The following ATG10 variants were observed in gnomAD, a reference collection of about 807,000 sequenced individuals.
ATG10 encodes the protein ubiquitin-like-conjugating enzyme ATG10.
ATG10 carries 30 observed loss-of-function variants against 32.1 expected under a neutral mutation model. That is an observed-to-expected ratio of 0.94 (90% CI 0.70 to 1.27). ATG10 has a LOEUF of 1.27. ATG10 is among the 50% of genes most tolerant of loss of function. The pLI, the probability that ATG10 is intolerant of heterozygous loss-of-function variation, is 0.00. For synonymous variants in ATG10, 87 were observed against 91.5 expected (o/e 0.95, Z 0.28); for missense variants, 233 against 262.3 (o/e 0.89, Z 0.77).
At chr5:82,206,291 G>A (rs771865037) in intron 5 of ATG10, among the ~76,000 whole-genome samples, 1 of 152,160 alleles carries the variant, frequency 6.6e-6, no homozygotes, top group Non-Finnish European at 1.5e-5. Flanking sequence ...GTAAGCAACA[G>A]AAAGGAAGAG....
intron 3 of ATG10, among the ~76,000 whole-genome samples, chr5:82,062,912 A>G (rs1309435313): frequency 6.6e-6 from 1 of 152,164 alleles, no homozygotes; most frequent in Non-Finnish European, 1.5e-5. Flanking sequence ...ACAGAGATGT[A>G]TTTTCCTCTT....
chr5:82,026,809 C>T (rs1762606411), intron 2 of ATG10, among the ~76,000 whole-genome samples: 1 of 152,008 alleles, frequency 6.6e-6, no homozygotes, highest in Non-Finnish European at 1.5e-5. Flanking sequence ...GCCTGTAGTC[C>T]CAGCACTTTG....
intron 5 of ATG10, among the ~76,000 whole-genome samples, chr5:82,180,978 A>G (rs1744207781): frequency 6.6e-6 from 1 of 152,156 alleles, no homozygotes; most frequent in Non-Finnish European, 1.5e-5. Context: ...TAAACTCACC[A>G]CTGAACCAAT....
chr5:82,091,021 G>C (rs1293367863), intron 3 of ATG10, among the ~76,000 whole-genome samples: 1 of 152,130 alleles, frequency 6.6e-6, no homozygotes, highest in East Asian at 1.9e-4. Context: ...GATGGTGTTT[G>C]ATAAGCTTCT....
chr5:82,092,869 A>G (rs571198940), intron 3 of ATG10, among the ~76,000 whole-genome samples: 2 of 152,264 alleles, frequency 1.3e-5, no homozygotes, highest in East Asian at 3.9e-4. Context: ...TATCATCATT[A>G]CCTCCTTTAA....
intron 5 of ATG10, among the ~76,000 whole-genome samples, chr5:82,181,656 G>A (rs559592950): frequency 2.6e-5 from 4 of 152,080 alleles, no homozygotes; most frequent in Admixed American, 1.3e-4. Context: ...ATTAGCTTGC[G>A]GACTGAACAT....
At chr5:82,216,088 A>T (rs1745669049) in intron 5 of ATG10, among the ~76,000 whole-genome samples, 1 of 152,206 alleles carries the variant, frequency 6.6e-6, no homozygotes, top group African/African-American at 2.4e-5. Flanking sequence ...ATAGAAATCA[A>T]ATTGCCTTTC....
chr5:81,974,776 A>T (rs546151767), intron 1 of ATG10, among the ~76,000 whole-genome samples: 4 of 152,210 alleles, frequency 2.6e-5, no homozygotes, highest in African/African-American at 9.6e-5. Flanking sequence ...CTATGTCTCC[A>T]AGCTTCCTTT....
intron 2 of ATG10, among the ~76,000 whole-genome samples, chr5:82,006,626 T>A (rs1761993263): frequency 6.6e-6 from 1 of 152,238 alleles, no homozygotes; most frequent in South Asian, 2.1e-4. Context: ...ATATTGTTTC[T>A]ATAAATTTTT....
chr5:82,225,090 T>C (rs1319489413), intron 5 of ATG10, among the ~76,000 whole-genome samples: 1 of 152,254 alleles, frequency 6.6e-6, no homozygotes, highest in African/African-American at 2.4e-5. Flanking sequence ...AGGTATTTAG[T>C]TGACCAATAG....
At chr5:82,111,241 C>G (rs1427185194) in intron 3 of ATG10, among the ~76,000 whole-genome samples, 6 of 151,960 alleles carry the variant, frequency 3.9e-5, no homozygotes, top group South Asian at 2.1e-4. Flanking sequence ...TTAGTCCTCA[C>G]CATAATTTTT....
chr5:82,058,506 T>C lies in ATG10; in HGVS notation c.120T>C (p.Asp40=), dbSNP rs747855524. ...GTGATGAAACACAGGACTGTTCTGA[T>C]GGCTACATGTGCAAAATACACTTTC... ...WEWRPSKDCS[D]GYMCKIHFQI... The change falls in exon 3 of 8, where the codon GAT becomes GAC. Residue 40 remains aspartate (D), a synonymous_variant. Transcript: ENST00000282185. 3 of 1,612,554 alleles carry C rather than the reference T, an allele frequency of 1.9e-6. No homozygotes were observed. In the South Asian group the frequency reaches 3.3e-5, roughly 18 times the overall value.
At chr5:82,098,300 G>A (rs933326660) in intron 3 of ATG10, among the ~76,000 whole-genome samples, 3 of 137,824 alleles carry the variant, frequency 2.2e-5, no homozygotes, top group African/African-American at 5.3e-5. Context: ...TGTTAATATT[G>A]TTGTTGGGTT....
intron 2 of ATG10, among the ~76,000 whole-genome samples, chr5:82,000,527 A>G (rs1392483947): frequency 6.6e-6 from 1 of 152,198 alleles, no homozygotes; most frequent in Non-Finnish European, 1.5e-5. Context: ...AAGTTGAACT[A>G]TTGCTGTTTG....
At chr5:81,989,552 T>C (rs1198499721) in intron 2 of ATG10, among the ~76,000 whole-genome samples, 2 of 152,134 alleles carry the variant, frequency 1.3e-5, no homozygotes, top group African/African-American at 2.4e-5. Context: ...GCAACTTTCA[T>C]TGGTTTTGTT....
intron 1 of ATG10, among the ~76,000 whole-genome samples, chr5:81,979,648 A>G (rs990598554): frequency 6.7e-6 from 1 of 149,698 alleles, no homozygotes; most frequent in Non-Finnish European, 1.5e-5. Context: ...GTGGGTGAAG[A>G]TGGCAGAGGC....
chr5:82,220,691 G>A (rs1183962894), intron 5 of ATG10, among the ~76,000 whole-genome samples: 8 of 149,432 alleles, frequency 5.4e-5, no homozygotes, highest in Non-Finnish European at 1.0e-4. Context: ...GTGCAGTAGC[G>A]TGATCTTGGC....
intron 3 of ATG10, among the ~76,000 whole-genome samples, chr5:82,124,099 G>C (rs544629598): frequency 7.0e-6 from 1 of 142,418 alleles, no homozygotes; most frequent in Non-Finnish European, 1.5e-5. Flanking sequence ...TTGAGATGGA[G>C]TCTCGCTCTG....
At chr5:82,083,901 T>C (rs958381736) in intron 3 of ATG10, among the ~76,000 whole-genome samples, 1 of 152,210 alleles carries the variant, frequency 6.6e-6, no homozygotes, top group African/African-American at 2.4e-5. Flanking sequence ...CTGAAAATTC[T>C]AAAAATCAGA....
Sources: allele counts gnomAD v4.1 joint callset (sites outside exome capture counted in the v4.1 genomes callset), GRCh38; gene constraint gnomAD v4.1.1; transcripts MANE v1.5; gene names NCBI Gene and HGNC (gene_info 2026-07-23, HGNC 2026-07-21).